LRP1B: variants seen among roughly 807,000 people sequenced by gnomAD.
LRP1B encodes low-density lipoprotein receptor-related protein 1B.
In LRP1B, 217 loss-of-function variants were observed where a neutral mutation model predicts 556.6. The observed-to-expected ratio is 0.39, with a 90% CI of 0.35 to 0.44. LRP1B has a LOEUF of 0.44. LRP1B is among the 20% of genes least tolerant of loss of function. LRP1B has a pLI of 1.00. For missense variants in LRP1B, 5,053 were observed against 5,620.8 expected (o/e 0.90, Z 3.23); for synonymous variants, 2,047 against 1,865.8 (o/e 1.10, Z -2.50).
intron 7 of LRP1B, among the ~76,000 whole-genome samples, chr2:141,137,245 T>C (rs779197360): frequency 6.6e-6 from 1 of 151,864 alleles, no homozygotes; most frequent in Non-Finnish European, 1.5e-5. Flanking sequence ...CATTAGGAAA[T>C]TAGGTTATAT....
At chr2:140,967,540 C>T (rs1237360172) in intron 18 of LRP1B, among the ~76,000 whole-genome samples, 1 of 152,008 alleles carries the variant, frequency 6.6e-6, no homozygotes, top group African/African-American at 2.4e-5. Flanking sequence ...TTTCTTTCTC[C>T]TGCCTGATTG....
chr2:141,299,582 T>C (rs1480836306), intron 3 of LRP1B, among the ~76,000 whole-genome samples: 1 of 152,130 alleles, frequency 6.6e-6, no homozygotes, highest in Non-Finnish European at 1.5e-5. Context: ...TATTGCAGAG[T>C]CATAAGTCAT....
chr2:141,335,902 A>T (rs1687830310), intron 3 of LRP1B, among the ~76,000 whole-genome samples: 1 of 152,132 alleles, frequency 6.6e-6, no homozygotes, highest in African/African-American at 2.4e-5. Flanking sequence ...AGGACACAAA[A>T]TTGTTAGTGC....
intron 41 of LRP1B, among the ~76,000 whole-genome samples, chr2:140,686,478 G>A (rs12691556): frequency 0.25 from 37,187 of 151,620 alleles, 5,290 homozygotes; most frequent in African/African-American, 0.39. Context: ...GGAGAAGGGA[G>A]AGTGAAAATA....
chr2:141,409,315 T>C (rs528354110), intron 3 of LRP1B, among the ~76,000 whole-genome samples: 1 of 152,274 alleles, frequency 6.6e-6, no homozygotes, highest in Non-Finnish European at 1.5e-5. Context: ...TTGGCTCTGT[T>C]ACTTCCCAGC....
At chr2:141,157,512 T>C (rs982745818) in intron 7 of LRP1B, among the ~76,000 whole-genome samples, 20 of 152,116 alleles carry the variant, frequency 1.3e-4, no homozygotes, top group Middle Eastern at 3.4e-3. Flanking sequence ...AATGAAACAA[T>C]GGCCCATCTA....
At chr2:140,989,473 C>T (rs1005680770) in intron 17 of LRP1B, 59 bp downstream of exon 17, 2 of 1,594,630 alleles carry the variant, frequency 1.3e-6, no homozygotes, top group Non-Finnish European at 1.7e-6. Flanking sequence ...CATTTACTTG[C>T]ATTTTTATTA....
chr2:140,974,491 GA>G (rs1696531282), intron 18 of LRP1B, among the ~76,000 whole-genome samples: 1 of 152,092 alleles, frequency 6.6e-6, no homozygotes, highest in South Asian at 2.1e-4. Context: ...TTTATACTGT[GA>G]AAACTAAAAT....
chr2:141,119,999 T>C (rs1701005424), intron 7 of LRP1B, among the ~76,000 whole-genome samples: 2 of 151,958 alleles, frequency 1.3e-5, no homozygotes. Flanking sequence ...TATTTTGTTT[T>C]ATTTTTAAAT....
chr2:140,651,429 C>G (rs941729094), intron 41 of LRP1B, among the ~76,000 whole-genome samples: 3 of 146,310 alleles, frequency 2.1e-5, no homozygotes, highest in Non-Finnish European at 4.5e-5. Context: ...GTGCAGCGCA[C>G]CAGCATGGCA....
chr2:140,649,750 A>G (rs1378729762), intron 41 of LRP1B, among the ~76,000 whole-genome samples: 1 of 152,242 alleles, frequency 6.6e-6, no homozygotes, highest in East Asian at 1.9e-4. Context: ...TATAAGAATT[A>G]GGACTCACCA....
rs537048282 is a variant in LRP1B, at chr2:140,727,695, A to C, written c.5759-10879T>G. Among the ~76,000 whole-genome samples the C allele has an allele frequency of 2.6e-5, 4 of 152,328 alleles. 1 individual carries two copies. In the South Asian group the frequency reaches 8.3e-4, roughly 32 times the overall value. The stretch of plus-strand genomic sequence containing the variant: ...TCATTCCAGCCAGAGTGATGAGCAT[A>C]AACTATGATGACAGCCAGTTCAGAA... On this transcript the variant is annotated intron_variant, in intron 35 of 90. Coordinates refer to ENST00000389484, the MANE Select transcript of LRP1B (RefSeq NM_018557.3).
chr2:140,582,769 T>A (rs1278937052), intron 43 of LRP1B, among the ~76,000 whole-genome samples: 1 of 152,224 alleles, frequency 6.6e-6, no homozygotes, highest in Admixed American at 6.5e-5. Flanking sequence ...TATTTATAAA[T>A]TACCCCATCT....
At chr2:140,905,375 T>G (rs925540865) in intron 22 of LRP1B, among the ~76,000 whole-genome samples, 3 of 152,174 alleles carry the variant, frequency 2.0e-5, no homozygotes, top group Non-Finnish European at 2.9e-5. Flanking sequence ...GATAGGCAGA[T>G]AGGCCCTGAA....
At chr2:142,110,301 T>C (rs62155597) in intron 1 of LRP1B, among the ~76,000 whole-genome samples, 3,397 of 152,222 alleles carry the variant, frequency 0.022, 61 homozygotes, top group Non-Finnish European at 0.034. Context: ...TGAAAAGATA[T>C]AATGAAAATC....
chr2:140,840,789 A>G, intron 30 of LRP1B, 129 bp downstream of exon 30: 1 of 622,146 alleles, frequency 1.6e-6, no homozygotes, highest in Non-Finnish European at 2.6e-6. Context: ...CAGTTTCCAT[A>G]TTTACTTTTT....
At chr2:141,158,797 A>G (rs982644712) in intron 7 of LRP1B, among the ~76,000 whole-genome samples, 4 of 152,122 alleles carry the variant, frequency 2.6e-5, no homozygotes, top group South Asian at 2.1e-4. Context: ...TTGAATACAG[A>G]TAATTTTGAG....
Position 141,369,820 on chromosome 2 carries a change from T to C in LRP1B, c.343+110576A>G, listed in dbSNP as rs149841288. Among the ~76,000 whole-genome samples the C allele has an allele frequency of 1.2e-4, 19 of 152,280 alleles. No homozygotes were observed. The East Asian group carries it at 1.4e-3, about 11-fold the overall frequency. On this transcript the variant is annotated intron_variant, in intron 3 of 90. Transcript: ENST00000389484. ...CATGATTTACCCTTCCAAGTCACCA[T>C]TGTCCATCATTCCATACTCTGCTTC...
At chr2:141,793,601 G>A (rs766562104) in intron 2 of LRP1B, among the ~76,000 whole-genome samples, 7 of 151,798 alleles carry the variant, frequency 4.6e-5, no homozygotes, top group Non-Finnish European at 1.0e-4. Context: ...ACTATCATTT[G>A]CTTTTTCATT....
Sources: gnomAD v4.1 joint callset for allele counts (sites outside exome capture counted in the v4.1 genomes callset) on GRCh38, gnomAD v4.1.1 for gene constraint, MANE v1.5 for transcripts, NCBI Gene and HGNC (gene_info 2026-07-23, HGNC 2026-07-21) for gene names.